The following STK33 variants were observed in gnomAD, a reference collection of about 807,000 sequenced individuals.
STK33 encodes the protein serine/threonine kinase 33.
In STK33, 52 loss-of-function variants were observed where a neutral mutation model predicts 58.0. That is an observed-to-expected ratio of 0.90 (90% CI 0.72 to 1.13). STK33 has a LOEUF of 1.13. Among genes scored for constraint, STK33 ranks in the 50% most tolerant of loss-of-function variants. The pLI is 0.00. For synonymous variants in STK33, 215 were observed against 200.1 expected (o/e 1.07, Z -0.63); for missense variants, 630 against 604.2 (o/e 1.04, Z -0.45).
At chr11:8,405,514 T>G (rs1246080819) in intron 15 of STK33, among the ~76,000 whole-genome samples, 1 of 144,848 alleles carries the variant, frequency 6.9e-6, no homozygotes, top group African/African-American at 2.7e-5. Context: ...ATTTTCTCCC[T>G]GTCTGTGGCT....
At chr11:8,489,279 A>G (rs1950416300) in intron 1 of STK33, among the ~76,000 whole-genome samples, 1 of 150,952 alleles carries the variant, frequency 6.6e-6, no homozygotes, top group Admixed American at 6.6e-5. Context: ...AAAGAAAAAA[A>G]AAAAGAAAGA....
chr11:8,363,038 CCAGGGTGGAG>C, the STK33 span, among the ~76,000 whole-genome samples: 1 of 152,108 alleles, frequency 6.6e-6, no homozygotes, highest in Non-Finnish European at 1.5e-5. Context: ...AGCTTGGGCT[CCAGGGTGGAG>C]CAGGTGCCCC....
chr11:8,562,568 A>G (rs1403079727), intron 1 of STK33, among the ~76,000 whole-genome samples: 3 of 152,144 alleles, frequency 2.0e-5, no homozygotes, highest in Admixed American at 1.3e-4. Flanking sequence ...ATACTCTTAG[A>G]TTCTAGTCCA....
At chr11:8,472,823 A>C (rs1349474716) in intron 6 of STK33, among the ~76,000 whole-genome samples, 1 of 152,222 alleles carries the variant, frequency 6.6e-6, no homozygotes, top group Non-Finnish European at 1.5e-5. Context: ...GTGAACAGCC[A>C]AACTAAAATT....
At chr11:8,372,410 G>T in the STK33 span, among the ~76,000 whole-genome samples, 6 of 152,162 alleles carry the variant, frequency 3.9e-5, no homozygotes, top group African/African-American at 1.4e-4. Context: ...GGTGGGAGAG[G>T]GGGTAGGGAA....
intron 1 of STK33, among the ~76,000 whole-genome samples, chr11:8,583,881 T>G (rs953635139): frequency 4.6e-5 from 7 of 152,048 alleles, no homozygotes; most frequent in Admixed American, 2.0e-4. Context: ...TGAAAAAAAT[T>G]AGTCTGTAAA....
At chr11:8,551,754 C>T (rs757975941) in intron 1 of STK33, among the ~76,000 whole-genome samples, 10 of 152,156 alleles carry the variant, frequency 6.6e-5, no homozygotes, top group Admixed American at 1.3e-4. Flanking sequence ...TTATTGCTTC[C>T]TAATCTAGGA....
At chr11:8,579,590 G>A (rs1311441480) in intron 1 of STK33, among the ~76,000 whole-genome samples, 3 of 151,726 alleles carry the variant, frequency 2.0e-5, no homozygotes, top group African/African-American at 4.8e-5. Flanking sequence ...TGAAATGAAA[G>A]CCAAAGAAGA....
At chr11:8,355,342 G>A in the STK33 span, among the ~76,000 whole-genome samples, 1 of 152,246 alleles carries the variant, frequency 6.6e-6, no homozygotes, top group African/African-American at 2.4e-5. Context: ...AAATGTGGCT[G>A]GTCTGACTGA....
chr11:8,555,694 A>C (rs1956695444), intron 1 of STK33, among the ~76,000 whole-genome samples: 1 of 151,984 alleles, frequency 6.6e-6, no homozygotes, highest in South Asian at 2.1e-4. Flanking sequence ...AATAACAATA[A>C]TAAAGAAAGT....
At chr11:8,343,610 G>A in the STK33 span, among the ~76,000 whole-genome samples, 1 of 152,206 alleles carries the variant, frequency 6.6e-6, no homozygotes, top group Non-Finnish European at 1.5e-5. Context: ...CATGGCAGCT[G>A]CAGAGATGCA....
chr11:8,579,806 AG>A (rs1565410716), intron 1 of STK33, among the ~76,000 whole-genome samples: 1 of 152,126 alleles, frequency 6.6e-6, no homozygotes, highest in Non-Finnish European at 1.5e-5. Flanking sequence ...AATGGGCAAA[AG>A]ATTTGAATAG....
chr11:8,448,168 G>A (rs1238626509), intron 11 of STK33, among the ~76,000 whole-genome samples: 1 of 152,112 alleles, frequency 6.6e-6, no homozygotes, highest in Non-Finnish European at 1.5e-5. Context: ...CCATGCTCAC[G>A]GGTAGGAAGA....
At chr11:8,452,717 G>A (rs1946425326) in intron 11 of STK33, 105 bp downstream of exon 11, 1 of 947,316 alleles carries the variant, frequency 1.1e-6, no homozygotes, top group Non-Finnish European at 1.7e-6. Context: ...GAGCCCAGGA[G>A]GTCAAGGCTG....
intron 1 of STK33, among the ~76,000 whole-genome samples, chr11:8,551,566 G>A (rs1348297001): frequency 2.0e-5 from 3 of 152,138 alleles, no homozygotes; most frequent in Non-Finnish European, 4.4e-5. Context: ...GTTGATGCCT[G>A]CACATTTAAG....
In STK33 at chr11:8,424,673, T is replaced by C. The variant is rs1298345479; in HGVS notation, c.1146+10821A>G. On this transcript the variant is annotated intron_variant, in intron 14 of 15. Coordinates refer to ENST00000687296, the MANE Select transcript of STK33 (RefSeq NM_001352389.2). ...CTGTTGTTTCCTGACTTTTTAATGA[T>C]CGCCATTCTAACTGGTGTGAGATGG... Among the ~76,000 whole-genome samples, 55 of 148,608 alleles carry C rather than the reference T, an allele frequency of 3.7e-4. 1 individual carries two copies. The highest frequency in any genetic ancestry group is 1.6e-3 in the East Asian group (8 of 5,092).
chr11:8,400,933 G>A (rs373692005), intron 15 of STK33, among the ~76,000 whole-genome samples: 29,264 of 151,914 alleles, frequency 0.19, 3,167 homozygotes, highest in African/African-American at 0.29. Context: ...ACCTCTTCAA[G>A]GAGAACTACA....
chr11:8,546,232 T>G (rs1955902317), intron 1 of STK33, among the ~76,000 whole-genome samples: 1 of 152,204 alleles, frequency 6.6e-6, no homozygotes, highest in Non-Finnish European at 1.5e-5. Flanking sequence ...TGCAAATACT[T>G]GTACACTTAG....
At chr11:8,492,269 A>C in intron 1 of STK33, among the ~76,000 whole-genome samples, 1 of 152,198 alleles carries the variant, frequency 6.6e-6, no homozygotes, top group Non-Finnish European at 1.5e-5. Flanking sequence ...GCAAATGGAA[A>C]ACAAAAAAAA....
Sources: gnomAD v4.1 joint callset for allele counts (sites outside exome capture counted in the v4.1 genomes callset) on GRCh38, gnomAD v4.1.1 for gene constraint, MANE v1.5 for transcripts, NCBI Gene and HGNC (gene_info 2026-07-23, HGNC 2026-07-21) for gene names.